The following F13A1 variants were observed in gnomAD, a reference collection of about 807,000 sequenced individuals.
F13A1 encodes the protein coagulation factor XIII A chain.
In F13A1, 47 loss-of-function variants were observed where a neutral mutation model predicts 80.1. The observed-to-expected ratio is 0.59, with a 90% CI of 0.46 to 0.75. F13A1 has a LOEUF of 0.75. Ranked by LOEUF, F13A1 falls within the 30% of genes least tolerant of loss-of-function variation. F13A1 has a pLI of 0.00. For synonymous variants in F13A1, 349 were observed against 344.9 expected, an observed-to-expected ratio of 1.01 and a Z score of -0.13; for missense variants, 817 against 930.4, an observed-to-expected ratio of 0.88 and a Z score of 1.59.
chr6:6,270,737 G>A (rs1184927528), intron 3 of F13A1, among the ~76,000 whole-genome samples: 1 of 152,134 alleles, frequency 6.6e-6, no homozygotes. Context: ...ATGGCAAAAG[G>A]GATCTAGGGA....
chr6:6,293,005 G>T (rs1156513522), intron 3 of F13A1, among the ~76,000 whole-genome samples: 1 of 152,210 alleles, frequency 6.6e-6, no homozygotes, highest in African/African-American at 2.4e-5. Flanking sequence ...CCTGATAAGT[G>T]GGGTGGGGCA....
intron 8 of F13A1, among the ~76,000 whole-genome samples, chr6:6,205,596 C>T (rs1367909044): frequency 6.6e-6 from 1 of 152,162 alleles, no homozygotes; most frequent in Admixed American, 6.5e-5. Flanking sequence ...GGATATTTAT[C>T]AAGAGAATTG....
chr6:6,191,956 G>A (rs1342950724), intron 10 of F13A1, among the ~76,000 whole-genome samples: 3 of 152,240 alleles, frequency 2.0e-5, no homozygotes, highest in African/African-American at 7.2e-5. Context: ...AGTTGGGTGA[G>A]CGAAGGCCTC....
chr6:6,182,068 T>G lies in F13A1; in HGVS notation c.1379A>C (p.His460Pro). 1 of 1,614,164 alleles carries G rather than the reference T, an allele frequency of 6.2e-7. No individual in the cohort carries two copies. The highest frequency in any genetic ancestry group is 8.5e-7 in the Non-Finnish European group (1 of 1,179,998). The change falls in exon 11 of 15, where the codon CAC becomes CCC. Residue 460 changes from histidine to proline, a missense_variant. Coordinates refer to ENST00000264870, the MANE Select transcript of F13A1 (RefSeq NM_000129.4). ...THVVENVDAT[H>P]IGKLIVTKQI... is the part of the protein sequence containing the mutation. ...TTTGGTCACAATTAATTTCCCAATGTGGGTGGCATCCACATTTTCCACCAC... is the reference window on the plus strand; with the variant it reads ...TTTGGTCACAATTAATTTCCCAATGGGGGTGGCATCCACATTTTCCACCAC...
At chr6:6,261,170 T>C (rs1179664958) in intron 4 of F13A1, among the ~76,000 whole-genome samples, 1 of 152,158 alleles carries the variant, frequency 6.6e-6, no homozygotes, top group Non-Finnish European at 1.5e-5. Context: ...GGTTTCACCA[T>C]GTTGATCAGG....
chr6:6,281,408 AC>A (rs759224421), intron 3 of F13A1, among the ~76,000 whole-genome samples: 13 of 152,174 alleles, frequency 8.5e-5, no homozygotes, highest in Non-Finnish European at 1.6e-4. Context: ...GTATACCAGG[AC>A]CAGCCATCGG....
chr6:6,275,935 A>G (rs921055489), intron 3 of F13A1, among the ~76,000 whole-genome samples: 1 of 152,216 alleles, frequency 6.6e-6, no homozygotes, highest in Non-Finnish European at 1.5e-5. Flanking sequence ...CCAGCAGAAA[A>G]TGTTCTACAA....
intron 6 of F13A1, among the ~76,000 whole-genome samples, chr6:6,247,405 G>A (rs1757567736): frequency 6.6e-6 from 1 of 152,064 alleles, no homozygotes; most frequent in African/African-American, 2.4e-5. Context: ...ATACCACCCA[G>A]TTTAACATTT....
chr6:6,220,962 T>G (rs1410553100), intron 8 of F13A1, among the ~76,000 whole-genome samples: 1 of 152,236 alleles, frequency 6.6e-6, no homozygotes, highest in African/African-American at 2.4e-5. Context: ...GATCCATTCC[T>G]GTAACATGAA....
intron 8 of F13A1, among the ~76,000 whole-genome samples, chr6:6,219,674 A>C (rs1238836841): frequency 1.3e-5 from 2 of 152,114 alleles, no homozygotes; most frequent in East Asian, 3.8e-4. Context: ...AATCCAGGAG[A>C]GTCTTAGCCA....
At chr6:6,290,234 G>A (rs186300851) in intron 3 of F13A1, among the ~76,000 whole-genome samples, 2 of 152,136 alleles carry the variant, frequency 1.3e-5, no homozygotes, top group African/African-American at 4.8e-5. Context: ...TACTAAATAT[G>A]AATGCCAAAT....
chr6:6,289,593 G>T (rs1390437235), intron 3 of F13A1, among the ~76,000 whole-genome samples: 1 of 152,010 alleles, frequency 6.6e-6, no homozygotes, highest in Non-Finnish European at 1.5e-5. Flanking sequence ...TCCCCCTTGA[G>T]TCTCTTACTA....
intron 3 of F13A1, among the ~76,000 whole-genome samples, chr6:6,300,212 G>C (rs1758401574): frequency 9.9e-6 from 1 of 101,376 alleles, no homozygotes; most frequent in African/African-American, 9.6e-5. Flanking sequence ...GTTTGTCTGT[G>C]CCCTGAGGTG....
At chr6:6,301,775 T>C (rs1052151729) in intron 3 of F13A1, among the ~76,000 whole-genome samples, 3 of 152,188 alleles carry the variant, frequency 2.0e-5, no homozygotes, top group Non-Finnish European at 4.4e-5. Context: ...GGGGTTACCC[T>C]CAGCCACAGA....
rs533459382 is a variant in F13A1, at chr6:6,300,623, C to G, written c.319+4728G>C. 2.0e-5 allele frequency among the ~76,000 whole-genome samples: 3 copies of G among 152,280 alleles called. No individual in the cohort carries two copies. In the South Asian group the frequency reaches 6.2e-4, roughly 32 times the overall value. ...GGCTCGCGCACAGTGCACGCACCCA[C>G]TGACTTGTGCCCACTGTGCGGCACT... On this transcript the variant is annotated intron_variant, in intron 3 of 14. Transcript: ENST00000264870.
At chr6:6,236,052 G>A (rs2113080648) in intron 6 of F13A1, among the ~76,000 whole-genome samples, 1 of 152,224 alleles carries the variant, frequency 6.6e-6, no homozygotes, top group Admixed American at 6.5e-5. Context: ...CTCACAAGGA[G>A]TACATACTGC....
chr6:6,253,906 T>C (rs556483689), intron 4 of F13A1, among the ~76,000 whole-genome samples: 98 of 152,322 alleles, frequency 6.4e-4, no homozygotes, highest in African/African-American at 2.2e-3. Context: ...TAAGATCTCT[T>C]TATCCTACTA....
At chr6:6,209,224 C>T (rs1023953587) in intron 8 of F13A1, among the ~76,000 whole-genome samples, 1 of 149,672 alleles carries the variant, frequency 6.7e-6, no homozygotes, top group Admixed American at 6.6e-5. Flanking sequence ...CCAAGAAAAA[C>T]ACAAAAAGAT....
At chr6:6,208,116 T>C (rs1332578342) in intron 8 of F13A1, among the ~76,000 whole-genome samples, 2 of 152,194 alleles carry the variant, frequency 1.3e-5, no homozygotes, top group African/African-American at 2.4e-5. Context: ...AATTAGCCAT[T>C]ATAAATATGT....
Sources: allele counts gnomAD v4.1 joint callset (sites outside exome capture counted in the v4.1 genomes callset), GRCh38; gene constraint gnomAD v4.1.1; transcripts MANE v1.5; gene names NCBI Gene and HGNC (gene_info 2026-07-23, HGNC 2026-07-21).